Variants in PLD1 observed in about 807,000 individuals in gnomAD.
PLD1 encodes the protein choline phosphatase 1.
PLD1 carries 112 observed loss-of-function variants against 137.1 expected under a neutral mutation model. The observed-to-expected ratio is 0.82, with a 90% CI of 0.70 to 0.96. The LOEUF is 0.96. PLD1 is among the 40% of genes least tolerant of loss of function. The pLI is 0.00. For synonymous variants in PLD1, 431 were observed against 454.7 expected (o/e 0.95, Z 0.66); for missense variants, 1,321 against 1,342.0 (o/e 0.98, Z 0.24).
chr3:171,664,325 G>A (rs899716328), intron 19 of PLD1, among the ~76,000 whole-genome samples: 4 of 152,150 alleles, frequency 2.6e-5, no homozygotes, highest in Non-Finnish European at 5.9e-5. Context: ...GTTTAATTTT[G>A]TTACTAAGGA....
chr3:171,792,706 G>C (rs1284934997), intron 1 of PLD1: 1 of 456,546 alleles, frequency 2.2e-6, no homozygotes, highest in Non-Finnish European at 4.4e-6. Context: ...GTGACAAAAG[G>C]AGTCAAGGAC....
At chr3:171,674,681 A>G (rs1713151664) in intron 18 of PLD1, 68 bp from the exon 19 acceptor site, 2 of 936,838 alleles carry the variant, frequency 2.1e-6, no homozygotes, top group Non-Finnish European at 3.3e-6. Context: ...CTTTGTGATT[A>G]TAAAAGAAAT....
At chr3:171,626,752 A>G (rs1734149404) in intron 23 of PLD1, among the ~76,000 whole-genome samples, 1 of 149,400 alleles carries the variant, frequency 6.7e-6, no homozygotes, top group Non-Finnish European at 1.5e-5. Context: ...CAGCCAAACT[A>G]AGCTTCATAA....
At chr3:171,761,663 A>G (rs555276424) in intron 1 of PLD1, among the ~76,000 whole-genome samples, 1 of 152,332 alleles carries the variant, frequency 6.6e-6, no homozygotes, top group East Asian at 1.9e-4. Flanking sequence ...GGAAAGTATT[A>G]AGTCTAGTGC....
chr3:171,705,577 C>G (rs1716616582), intron 11 of PLD1, among the ~76,000 whole-genome samples: 1 of 152,156 alleles, frequency 6.6e-6, no homozygotes, highest in Non-Finnish European at 1.5e-5. Flanking sequence ...AAGATTTGAA[C>G]AGTTAAACCA....
At chr3:171,663,900 T>C (rs1315695528) in intron 19 of PLD1, among the ~76,000 whole-genome samples, 1 of 152,232 alleles carries the variant, frequency 6.6e-6, no homozygotes, top group Non-Finnish European at 1.5e-5. Context: ...GTTCTATGTC[T>C]GCTGTATATA....
At position 171,676,815 on chromosome 3, in the gene PLD1, GA is replaced by G. The variant is rs1713414905; in HGVS notation, c.2014del (p.Ser672ProfsTer36). ...GTCATGCCAGGGCATCCGGGGCGTG[GA>G]GTACCTGTCAATGAAATCTGCCCGG... ...KPFADFIDRY[S>X]TPRMPWHDIA... On this transcript the variant is annotated frameshift_variant, in exon 18 of 27. Coordinates refer to ENST00000351298, the MANE Select transcript of PLD1 (RefSeq NM_002662.5). LOFTEE classifies it high-confidence loss of function. 1 of 1,613,794 alleles carries G rather than the reference GA, an allele frequency of 6.2e-7. No individual in the cohort carries two copies. The highest frequency in any genetic ancestry group is 8.5e-7 in the Non-Finnish European group (1 of 1,179,718).
At chr3:171,633,930 A>G (rs1734894692) in intron 23 of PLD1, among the ~76,000 whole-genome samples, 1 of 152,226 alleles carries the variant, frequency 6.6e-6, no homozygotes, top group African/African-American at 2.4e-5. Flanking sequence ...TTTTCTTTTC[A>G]GGAATTTTAA....
intron 8 of PLD1, among the ~76,000 whole-genome samples, chr3:171,718,803 A>G (rs1717869013): frequency 6.6e-6 from 1 of 152,188 alleles, no homozygotes; most frequent in Non-Finnish European, 1.5e-5. Context: ...AGGACCTAAC[A>G]GCAACATCTA....
chr3:171,665,806 G>A (rs939972689), intron 19 of PLD1, among the ~76,000 whole-genome samples: 4 of 152,078 alleles, frequency 2.6e-5, no homozygotes, highest in African/African-American at 7.2e-5. Flanking sequence ...AAGTATGAGG[G>A]GTTTCCTACC....
chr3:171,756,587 C>A (rs1382831432), intron 1 of PLD1, among the ~76,000 whole-genome samples: 3 of 152,068 alleles, frequency 2.0e-5, no homozygotes, highest in Non-Finnish European at 4.4e-5. Context: ...GAAGAACATG[C>A]CAGGCTTAAG....
intron 23 of PLD1, among the ~76,000 whole-genome samples, chr3:171,625,364 G>A (rs1734010555): frequency 6.6e-6 from 1 of 152,220 alleles, no homozygotes; most frequent in Admixed American, 6.5e-5. Flanking sequence ...CTTGAACTGG[G>A]TGGAGCCCAC....
intron 1 of PLD1, among the ~76,000 whole-genome samples, chr3:171,773,810 G>T (rs1439501296): frequency 6.6e-6 from 1 of 151,882 alleles, no homozygotes; most frequent in African/African-American, 2.4e-5. Context: ...CTGCAGTGGC[G>T]CTGTCTCGGC....
At chr3:171,733,373 G>T in intron 6 of PLD1, 71 bp downstream of exon 6, 1 of 670,562 alleles carries the variant, frequency 1.5e-6, no homozygotes, top group South Asian at 1.8e-5. Flanking sequence ...TTATTAAAAT[G>T]ATCCAAAATT....
intron 23 of PLD1, among the ~76,000 whole-genome samples, chr3:171,636,006 A>ATATC (rs1735099619): frequency 2.5e-5 from 1 of 40,352 alleles, no homozygotes; most frequent in Non-Finnish European, 5.1e-5. Flanking sequence ...TTGCAAGTGG[A>ATATC]TATCTAGTTT....
At chr3:171,738,562 C>A (rs536265119) in intron 1 of PLD1, among the ~76,000 whole-genome samples, 2 of 152,184 alleles carry the variant, frequency 1.3e-5, no homozygotes, top group Admixed American at 1.3e-4. Flanking sequence ...TTTATGATAG[C>A]ATAATATTTC....
At chr3:171,809,271 T>C (rs1417225751) in intron 1 of PLD1, 1 of 152,268 alleles carries the variant, frequency 6.6e-6, no homozygotes, top group Non-Finnish European at 1.5e-5. Context: ...CAAATTCATT[T>C]GTGTGTCACA....
chr3:171,743,854 A>C (rs1474188248), intron 1 of PLD1, among the ~76,000 whole-genome samples: 1 of 152,206 alleles, frequency 6.6e-6, no homozygotes, highest in South Asian at 2.1e-4. Flanking sequence ...GGCATTCACC[A>C]CAGACACCCA....
intron 12 of PLD1, among the ~76,000 whole-genome samples, chr3:171,699,163 C>T (rs73040150): frequency 0.031 from 4,705 of 152,096 alleles, 186 homozygotes; most frequent in African/African-American, 0.092. Flanking sequence ...GCCTAGGCTG[C>T]TTCAGTTATT....
Sources: allele counts gnomAD v4.1 joint callset (sites outside exome capture counted in the v4.1 genomes callset), GRCh38; gene constraint gnomAD v4.1.1; transcripts MANE v1.5; gene names NCBI Gene and HGNC (gene_info 2026-07-23, HGNC 2026-07-21).